TFDP1: variants seen among roughly 807,000 people sequenced by gnomAD.
TFDP1 encodes the protein transcription factor Dp-1, also known as DRTF1-polypeptide 1.
In TFDP1, 6 loss-of-function variants were observed where a neutral mutation model predicts 48.0. The ratio of observed to expected loss-of-function variants is 0.13; its 90% confidence interval spans 0.07 to 0.25. TFDP1 has a LOEUF of 0.25. TFDP1 is among the 10% of genes least tolerant of loss of function. The pLI, the probability that TFDP1 is intolerant of heterozygous loss-of-function variation, is 1.00. For synonymous variants in TFDP1, 201 were observed against 211.6 expected (o/e 0.95, Z 0.44); for missense variants, 335 against 543.0 (o/e 0.62, Z 3.81).
chr13:113,629,523 A>G (rs77331287), intron 4 of TFDP1, among the ~76,000 whole-genome samples: 2,141 of 152,158 alleles, frequency 0.014, 62 homozygotes, highest in African/African-American at 0.047. Flanking sequence ...CGACCGTCCT[A>G]TTTTTCATTT....
chr13:113,636,832 A>G, intron 10 of TFDP1, 132 bp downstream of exon 10: 1 of 1,130,840 alleles, frequency 8.8e-7, no homozygotes, highest in East Asian at 2.6e-5. Flanking sequence ...AGGAGCAAAG[A>G]CAAAGGGGCT....
At chr13:113,599,440 G>A (rs556191956) in intron 2 of TFDP1, among the ~76,000 whole-genome samples, 17 of 152,288 alleles carry the variant, frequency 1.1e-4, no homozygotes, top group African/African-American at 4.1e-4. Context: ...TTGCATTGGA[G>A]CCTCGCCCCC....
intron 2 of TFDP1, among the ~76,000 whole-genome samples, chr13:113,608,786 C>T (rs1031640735): frequency 2.6e-5 from 4 of 152,186 alleles, no homozygotes; most frequent in Admixed American, 2.6e-4. Flanking sequence ...GTGTCTTGGC[C>T]TTCATCTCCT....
At chr13:113,618,642 A>G (rs905522375) in intron 3 of TFDP1, among the ~76,000 whole-genome samples, 3 of 152,184 alleles carry the variant, frequency 2.0e-5, no homozygotes, top group Non-Finnish European at 4.4e-5. Context: ...CCACTTGGGG[A>G]GCTGGGTGGA....
chr13:113,591,020 A>G (rs58482827), intron 2 of TFDP1, among the ~76,000 whole-genome samples: 1 of 148,576 alleles, frequency 6.7e-6, no homozygotes, highest in Admixed American at 6.7e-5. Flanking sequence ...AAAAAAAAAA[A>G]AAAAAAAAAA....
At chr13:113,591,306 A>T (rs1177348988) in intron 2 of TFDP1, among the ~76,000 whole-genome samples, 2 of 150,686 alleles carry the variant, frequency 1.3e-5, no homozygotes, top group African/African-American at 2.4e-5. Context: ...ACGCCATTGC[A>T]CTCCAGCCTG....
At chr13:113,634,105 C>T (rs778630259) in intron 7 of TFDP1, 72 bp downstream of exon 7, 4 of 1,604,828 alleles carry the variant, frequency 2.5e-6, no homozygotes, top group Middle Eastern at 1.6e-4. Flanking sequence ...GTCGGTCACT[C>T]AGAAGGGTCT....
intron 3 of TFDP1, 40 bp downstream of exon 3, chr13:113,611,102 A>G (rs1252996145): frequency 1.3e-6 from 2 of 1,545,384 alleles, no homozygotes; most frequent in Admixed American, 1.7e-5. Flanking sequence ...GTGTTGATGA[A>G]TGCATGAAGC....
rs1028009786 is a variant in TFDP1, at chr13:113,630,936, G to A, written c.187-687G>A. On this transcript the variant is annotated intron_variant, in intron 4 of 11. Transcript: ENST00000375370. Reference sequence around the variant, plus strand: ...CCCCCAGAGGGGCCCAGGTGTGTGAGCCCCAGGGGCGTGTGGAGCCCCTAC... The same window carrying A: ...CCCCCAGAGGGGCCCAGGTGTGTGAACCCCAGGGGCGTGTGGAGCCCCTAC... 2.6e-5 allele frequency among the ~76,000 whole-genome samples: 4 copies of A among 152,306 alleles called. No individual in the cohort carries two copies. The East Asian group carries it at 7.7e-4, about 29-fold the overall frequency.
chr13:113,634,396 T>A, intron 7 of TFDP1, 138 bp from the exon 8 acceptor site: 1 of 741,790 alleles, frequency 1.3e-6, no homozygotes, highest in Non-Finnish European at 2.3e-6. Context: ...ACCTGCTATG[T>A]CTAGATTTGT....
chr13:113,603,669 T>C (rs1260956676), intron 2 of TFDP1, among the ~76,000 whole-genome samples: 1 of 152,240 alleles, frequency 6.6e-6, no homozygotes, highest in African/African-American at 2.4e-5. Context: ...GAGAATAATC[T>C]ACTGTTATCT....
chr13:113,596,188 C>T (rs539569259), intron 2 of TFDP1, among the ~76,000 whole-genome samples: 17 of 152,270 alleles, frequency 1.1e-4, no homozygotes, highest in Admixed American at 5.2e-4. Context: ...GAAAATATTT[C>T]GTGTCACCAC....
intron 3 of TFDP1, among the ~76,000 whole-genome samples, chr13:113,622,325 C>T (rs536442332): frequency 1.9e-3 from 282 of 152,316 alleles, no homozygotes; most frequent in African/African-American, 6.4e-3. Flanking sequence ...AGAAACCCAC[C>T]GACCCTGTGG....
At chr13:113,637,587 G>A in intron 10 of TFDP1, 3 of 1,518,986 alleles carry the variant, frequency 2.0e-6, no homozygotes, top group Non-Finnish European at 2.6e-6. Context: ...GTGTGTGCAG[G>A]TATTTATTGC....
intron 4 of TFDP1, among the ~76,000 whole-genome samples, chr13:113,625,892 G>A (rs1204899523): frequency 1.4e-5 from 2 of 141,802 alleles, no homozygotes; most frequent in Non-Finnish European, 3.0e-5. Context: ...GTCCTCAGGT[G>A]TCTCTCACAT....
chr13:113,604,524 G>A (rs1322694272), intron 2 of TFDP1, among the ~76,000 whole-genome samples: 1 of 152,342 alleles, frequency 6.6e-6, no homozygotes, highest in Non-Finnish European at 1.5e-5. Flanking sequence ...CTGAGTTTGA[G>A]ATGGGAGCTG....
At chr13:113,612,686 G>A (rs2048734886) in intron 3 of TFDP1, among the ~76,000 whole-genome samples, 1 of 152,168 alleles carries the variant, frequency 6.6e-6, no homozygotes, top group Admixed American at 6.5e-5. Context: ...CATGCAGTAG[G>A]CTTTCTTACC....
At chr13:113,589,134 G>A (rs1232407155) in intron 2 of TFDP1, among the ~76,000 whole-genome samples, 1 of 152,206 alleles carries the variant, frequency 6.6e-6, no homozygotes, top group Non-Finnish European at 1.5e-5. Flanking sequence ...AGTGGGCCCA[G>A]CTGGAGAAAT....
intron 3 of TFDP1, among the ~76,000 whole-genome samples, chr13:113,618,351 G>C (rs1023678911): frequency 1.3e-5 from 2 of 152,134 alleles, no homozygotes; most frequent in Non-Finnish European, 2.9e-5. Flanking sequence ...GCGAAACTCT[G>C]TCTCTACAAA....
Sources: gnomAD v4.1 joint callset for allele counts (sites outside exome capture counted in the v4.1 genomes callset) on GRCh38, gnomAD v4.1.1 for gene constraint, MANE v1.5 for transcripts, NCBI Gene and HGNC (gene_info 2026-07-23, HGNC 2026-07-21) for gene names.